The following DLC1 variants were observed in gnomAD, a reference collection of about 807,000 sequenced individuals.
The protein encoded by DLC1 is DLC1 Rho GTPase activating protein, also known as rho GTPase-activating protein 7.
In DLC1, 54 loss-of-function variants were observed where a neutral mutation model predicts 140.3. The ratio of observed to expected loss-of-function variants is 0.38; its 90% CI spans 0.31 to 0.48. The LOEUF (loss-of-function observed/expected upper bound fraction) is 0.48, where lower values mean the gene tolerates loss of function less well. Ranked by LOEUF, DLC1 falls within the 20% of genes least tolerant of loss-of-function variation. The pLI, the probability that DLC1 is intolerant of heterozygous loss-of-function variation, is 0.96. For missense variants in DLC1, 2,536 were observed against 1,907.0 expected (o/e 1.33, Z -6.14); for synonymous variants, 986 against 728.1 (o/e 1.35, Z -5.70).
chr8:13,369,907 A>G (rs1835653751), intron 4 of DLC1, among the ~76,000 whole-genome samples: 1 of 10,296 alleles, frequency 9.7e-5, no homozygotes, highest in Admixed American at 1.5e-3. Flanking sequence ...AGTCAGATTT[A>G]AAACTTAAAA....
intron 5 of DLC1, among the ~76,000 whole-genome samples, chr8:13,210,509 ATAAAG>A (rs1827885002): frequency 1.3e-5 from 2 of 152,370 alleles, no homozygotes; most frequent in South Asian, 4.1e-4. Context: ...AAATTGCATC[ATAAAG>A]TAAACAGAAG....
intron 5 of DLC1, among the ~76,000 whole-genome samples, chr8:13,168,797 CCTT>C (rs1163399993): frequency 6.6e-6 from 1 of 152,194 alleles, no homozygotes; most frequent in African/African-American, 2.4e-5. Flanking sequence ...ACACGGGTGA[CCTT>C]CTCGTTGCTA....
At chr8:13,341,914 C>A (rs1834073498) in intron 4 of DLC1, 2 of 152,102 alleles carry the variant, frequency 1.3e-5, no homozygotes, top group Admixed American at 1.3e-4. Flanking sequence ...GCTGAAGAGT[C>A]TTTCAGTAAG....
At chr8:13,431,965 A>T (rs1350193314) in intron 2 of DLC1, among the ~76,000 whole-genome samples, 1 of 152,250 alleles carries the variant, frequency 6.6e-6, no homozygotes, top group African/African-American at 2.4e-5. Context: ...AGAAATTCAT[A>T]TGTGACATTT....
chr8:13,350,302 ATT>A (rs111766759), intron 4 of DLC1, among the ~76,000 whole-genome samples: 4 of 146,008 alleles, frequency 2.7e-5, no homozygotes, highest in African/African-American at 7.5e-5. Context: ...CAGGTTTATC[ATT>A]TTTTTTTTTG....
chr8:13,133,878 G>A (rs1361257820), intron 5 of DLC1, among the ~76,000 whole-genome samples: 1 of 152,118 alleles, frequency 6.6e-6, no homozygotes, highest in Non-Finnish European at 1.5e-5. Context: ...CCTGTCCCTT[G>A]GACATTGGTT....
intron 4 of DLC1, among the ~76,000 whole-genome samples, chr8:13,323,623 T>G (rs1013399564): frequency 1.3e-5 from 2 of 152,198 alleles, no homozygotes; most frequent in African/African-American, 2.4e-5. Flanking sequence ...AAAAATTGAT[T>G]TCTAACATTA....
chr8:13,414,893 C>G (rs1276447148), intron 2 of DLC1, among the ~76,000 whole-genome samples: 1 of 152,220 alleles, frequency 6.6e-6, no homozygotes, highest in South Asian at 2.1e-4. Flanking sequence ...CCACTGCAAC[C>G]TCCACCTCCC....
At chr8:13,331,841 C>T (rs1454948) in intron 4 of DLC1, among the ~76,000 whole-genome samples, 130,238 of 152,184 alleles carry the variant, frequency 0.86, 56,149 homozygotes, top group East Asian at 0.95. Flanking sequence ...GATATTGGCA[C>T]TGAGTCAGTC....
chr8:13,369,962 G>C (rs1835658718), intron 4 of DLC1, among the ~76,000 whole-genome samples: 1 of 150,656 alleles, frequency 6.6e-6, no homozygotes, highest in South Asian at 2.1e-4. Context: ...GTCCCTACAA[G>C]GCCTCTGAGG....
At chr8:13,249,643 T>C (rs1829917848) in intron 5 of DLC1, among the ~76,000 whole-genome samples, 1 of 152,224 alleles carries the variant, frequency 6.6e-6, no homozygotes, top group African/African-American at 2.4e-5. Flanking sequence ...TTTCTCTCTC[T>C]TTCTCTTTCT....
chr8:13,575,355 C>T (rs989943590), intron 1 of DLC1, among the ~76,000 whole-genome samples: 14 of 151,678 alleles, frequency 9.2e-5, no homozygotes, highest in Non-Finnish European at 1.5e-4. Flanking sequence ...GAGGGGGGTA[C>T]GAGAGGCAGT....
At chr8:13,113,688 A>G (rs1294344847) in intron 6 of DLC1, among the ~76,000 whole-genome samples, 1 of 152,224 alleles carries the variant, frequency 6.6e-6, no homozygotes, top group East Asian at 1.9e-4. Flanking sequence ...TTGAAAATCC[A>G]ATAGAATGCT....
At chr8:13,540,003 G>C (rs890517748) in intron 1 of DLC1, among the ~76,000 whole-genome samples, 1 of 152,138 alleles carries the variant, frequency 6.6e-6, no homozygotes, top group Non-Finnish European at 1.5e-5. Context: ...AAAAACTCTG[G>C]AGACAGTTCA....
intron 8 of DLC1, among the ~76,000 whole-genome samples, chr8:13,101,637 C>G (rs978620635): frequency 3.9e-5 from 6 of 152,130 alleles, no homozygotes; most frequent in Non-Finnish European, 8.8e-5. Context: ...GAGACTCTTA[C>G]CAGTACCTTT....
At chr8:13,371,602 G>C (rs1298282311) in intron 4 of DLC1, among the ~76,000 whole-genome samples, 1 of 150,852 alleles carries the variant, frequency 6.6e-6, no homozygotes. Flanking sequence ...TTTTTGCTTG[G>C]AGAGTTATTT....
intron 2 of DLC1, among the ~76,000 whole-genome samples, chr8:13,474,465 C>T (rs2117085892): frequency 6.6e-6 from 1 of 152,278 alleles, no homozygotes. Context: ...AGTAGAGTCC[C>T]TACTGGGGCA....
intron 2 of DLC1, among the ~76,000 whole-genome samples, chr8:13,463,193 G>A (rs568557718): frequency 6.6e-6 from 1 of 151,844 alleles, no homozygotes; most frequent in African/African-American, 2.4e-5. Flanking sequence ...ACCTATCATA[G>A]TAACTAGGTG....
intron 2 of DLC1, among the ~76,000 whole-genome samples, chr8:13,441,079 C>T (rs1239846236): frequency 1.3e-5 from 2 of 152,160 alleles, no homozygotes; most frequent in African/African-American, 2.4e-5. Flanking sequence ...TACCAAACTA[C>T]CACTACGAAG....
Sources: gnomAD v4.1 joint callset for allele counts (sites outside exome capture counted in the v4.1 genomes callset) on GRCh38, gnomAD v4.1.1 for gene constraint, MANE v1.5 for transcripts, NCBI Gene and HGNC (gene_info 2026-07-23, HGNC 2026-07-21) for gene names.